Variants in DGKH observed in about 807,000 individuals in gnomAD.
DGKH encodes DAG kinase eta.
DGKH carries 90 observed loss-of-function variants against 159.3 expected under a neutral mutation model. The observed-to-expected ratio is 0.57, with a 90% CI of 0.48 to 0.67. DGKH has a LOEUF of 0.67. Among genes scored for constraint, DGKH ranks in the 30% least tolerant of loss-of-function variants. The pLI, the probability that DGKH is intolerant of heterozygous loss-of-function variation, is 0.00. For missense variants in DGKH, 1,181 were observed against 1,506.1 expected, an observed-to-expected ratio of 0.78 and a Z score of 3.57; for synonymous variants, 536 against 553.8, an observed-to-expected ratio of 0.97 and a Z score of 0.45.
In DGKH at chr13:42,155,392, C is replaced by T. The variant is rs768588983; in HGVS notation, c.486C>T (p.Tyr162=). 50 of 1,608,272 alleles carry T rather than the reference C, an allele frequency of 3.1e-5. No homozygotes were observed. The highest frequency in any genetic ancestry group is 3.3e-5 in the South Asian group (3 of 89,612). The change falls in exon 4 of 30, where the codon TAC becomes TAT. Residue 162 remains tyrosine (Y), a synonymous_variant. Transcript: ENST00000337343. ...AGTCTGTACAGACCAGAGAACCCTA[C>T]GAGGTAAAATAGCATCTTTTCTTTC... ...SLKSVQTREP[Y]EVAQFNVEHF...
At position 42,167,203 on chromosome 13, in the gene DGKH, A is replaced by G. The variant is rs115051712; in HGVS notation, c.1118+529A>G. ...TGTAAGATAAAATGAACTAAGTGGT[A>G]TTTTCACTGAGGGAAAATATACCTT... On this transcript the variant is annotated intron_variant, in intron 9 of 29. Transcript: ENST00000337343. Among the ~76,000 whole-genome samples, 253 of 151,962 alleles carry G rather than the reference A, an allele frequency of 1.7e-3. 1 individual carries two copies. Among genetic ancestry groups the G allele is most frequent in the African/African-American group, 5.8e-3 (240 of 41,432 alleles).
At chr13:42,121,781 T>C (rs1054734351) in intron 1 of DGKH, among the ~76,000 whole-genome samples, 2 of 152,218 alleles carry the variant, frequency 1.3e-5, no homozygotes, top group African/African-American at 4.8e-5. Flanking sequence ...ATGGTTTCTA[T>C]GGAAAGATGT....
intron 18 of DGKH, among the ~76,000 whole-genome samples, chr13:42,199,216 G>A (rs1410388470): frequency 4.6e-5 from 7 of 152,152 alleles, no homozygotes; most frequent in African/African-American, 1.7e-4. Flanking sequence ...ATAAAAAAGA[G>A]AGAGAGAGAA....
rs535111851 is a variant in DGKH, at chr13:42,067,709, A to T, written c.192+18744A>T. On this transcript the variant is annotated intron_variant, in intron 1 of 29. Transcript: ENST00000337343. Reference sequence around the variant, plus strand: ...GTTGATTTAATTAATTAATTAATTAATTTTTTTTTTGCTGGCCATGTTTTA... The same window carrying T: ...GTTGATTTAATTAATTAATTAATTATTTTTTTTTTTGCTGGCCATGTTTTA... Among the ~76,000 whole-genome samples, 1,175 of 149,818 alleles carry T rather than the reference A, an allele frequency of 7.8e-3. 14 individuals carry two copies. Among genetic ancestry groups the T allele is most frequent in the Non-Finnish European group, 0.012 (790 of 67,228 alleles).
chr13:42,169,565 T>C (rs1231612816), intron 11 of DGKH, among the ~76,000 whole-genome samples: 2 of 152,140 alleles, frequency 1.3e-5, no homozygotes, highest in Admixed American at 6.6e-5. Flanking sequence ...GATGTCAAAA[T>C]ATCATGATCA....
In DGKH at chr13:42,191,274, T is replaced by C. The variant is rs542887851; in HGVS notation, c.2035+749T>C. On this transcript the variant is annotated intron_variant, in intron 16 of 29. Transcript: ENST00000337343. ...TATGAAAATAAATACATGGCACTTATGAAAAGTCAGCACAATTATATCAGA... is the reference window on the plus strand; with the variant it reads ...TATGAAAATAAATACATGGCACTTACGAAAAGTCAGCACAATTATATCAGA... 1.1e-4 allele frequency among the ~76,000 whole-genome samples: 17 copies of C among 152,316 alleles called. No homozygotes were observed. The East Asian group carries it at 1.3e-3, about 12-fold the overall frequency.
At position 42,210,686 on chromosome 13, in the gene DGKH, C is replaced by T; in HGVS notation, c.2935C>T (p.His979Tyr). 1 of 1,612,142 alleles carries T rather than the reference C, an allele frequency of 6.2e-7. No individual in the cohort carries two copies. Among genetic ancestry groups the T allele is most frequent in the Non-Finnish European group, 8.5e-7 (1 of 1,179,934 alleles). The change falls in exon 24 of 30, where the codon CAT (histidine) becomes TAT (tyrosine). Residue 979 changes from histidine (H) to tyrosine (Y), a missense_variant. Physicochemically the swap from His to Tyr is moderately conservative, Grantham distance 83. Coordinates refer to ENST00000337343, the MANE Select transcript of DGKH (RefSeq NM_178009.5). ...AGTTCTCCGAACCCATTTGTACATC[C>T]ATCACGCCATTGACTTGGCAACAGA... is the stretch of plus-strand genomic sequence containing the variant. ...KPVLRTHLYI[H>Y]HAIDLATEEV...
intron 3 of DGKH, among the ~76,000 whole-genome samples, chr13:42,135,268 G>A (rs1239744350): frequency 6.6e-6 from 1 of 151,966 alleles, no homozygotes; most frequent in Non-Finnish European, 1.5e-5. Context: ...GGAGGCCGAG[G>A]TGGGAGAATC....
At chr13:42,100,306 T>C (rs1359119364) in intron 1 of DGKH, among the ~76,000 whole-genome samples, 1 of 152,216 alleles carries the variant, frequency 6.6e-6, no homozygotes, top group African/African-American at 2.4e-5. Flanking sequence ...TGGGACTGTC[T>C]AGTTGCAAGA....
intron 9 of DGKH, among the ~76,000 whole-genome samples, chr13:42,167,774 T>C (rs1171927263): frequency 1.3e-5 from 2 of 152,198 alleles, no homozygotes; most frequent in African/African-American, 2.4e-5. Flanking sequence ...CATTATCTTA[T>C]AGTCTTGATT....
At chr13:42,192,587 T>TTTCCTCTTCCTC (rs11282364) in intron 16 of DGKH, among the ~76,000 whole-genome samples, 2 of 111,936 alleles carry the variant, frequency 1.8e-5, no homozygotes, top group African/African-American at 5.8e-5. Flanking sequence ...TCTTCTTCTT[T>TTTCCTCTTCCTC]TTCCTCTTCC....
intron 29 of DGKH, among the ~76,000 whole-genome samples, chr13:42,222,906 A>G (rs1958019765): frequency 6.6e-6 from 1 of 152,202 alleles, no homozygotes; most frequent in Non-Finnish European, 1.5e-5. Context: ...AGAATGGAAA[A>G]ACATACACTA....
intron 30 of DGKH, among the ~76,000 whole-genome samples, chr13:42,253,146 T>C (rs1594274872): frequency 6.6e-6 from 1 of 152,284 alleles, no homozygotes; most frequent in African/African-American, 2.4e-5. Flanking sequence ...TTATGCTGAG[T>C]GCTATAGTCT....
downstream of DGKH, among the ~76,000 whole-genome samples, chr13:42,246,898 A>G (rs1958584732): frequency 6.6e-6 from 1 of 152,144 alleles, no homozygotes; most frequent in Non-Finnish European, 1.5e-5. Context: ...ATATATATGA[A>G]TGTGTGTGTG....
At chr13:42,041,479 C>CG (rs778070852) in intron 1 of DGKH, among the ~76,000 whole-genome samples, 1 of 152,192 alleles carries the variant, frequency 6.6e-6, no homozygotes, top group Non-Finnish European at 1.5e-5. Flanking sequence ...AAGCTGACTT[C>CG]GCTTTCGCCT....
chr13:42,206,141 G>A lies in DGKH; in HGVS notation c.2596G>A (p.Asp866Asn). The A allele has an allele frequency of 7.1e-7, 1 of 1,415,450 alleles. No individual in the cohort carries two copies. The highest frequency in any genetic ancestry group is 9.3e-7 in the Non-Finnish European group (1 of 1,074,594). The allele number at this position is 1,415,450 out of a possible 1,614,324, so 87.7% of individuals were successfully genotyped here. Residue 866 changes from aspartate (D) to asparagine (N), a missense_variant, in exon 21 of 30, where the codon GAT becomes AAT. Physicochemically the swap from Asp to Asn is conservative, Grantham distance 23 (BLOSUM62 1). Transcript: ENST00000337343. ...GTNFWGGTKEDDIFAAPSFDD... is the reference protein window; with the variant it reads ...GTNFWGGTKENDIFAAPSFDD... ...TAACTTTTGGGGTGGAACTAAAGAG[G>A]ATGATGTAAGTAATGGGAGTAAATA...
At chr13:42,205,739 A>C (rs773768123) in intron 20 of DGKH, among the ~76,000 whole-genome samples, 2 of 152,198 alleles carry the variant, frequency 1.3e-5, no homozygotes, top group Non-Finnish European at 2.9e-5. Context: ...AATGCAGGTG[A>C]AAGTACATAA....
At position 42,194,955 on chromosome 13, in the gene DGKH, T is replaced by G. The variant is rs780201481; in HGVS notation, c.2106T>G (p.Gly702=). The G allele has an allele frequency of 3.1e-6, 5 of 1,614,078 alleles. No homozygotes were observed. The highest frequency in any genetic ancestry group is 4.2e-6 in the Non-Finnish European group (5 of 1,179,966). The part of the protein sequence containing the change: ...YGHSQTDSVP[G]PAVAASKENL... ...ATTCCCAAACTGATTCTGTCCCTGG[T>G]CCAGCTGTGGCAGCCAGCAAAGAAA... Residue 702 remains glycine, a synonymous_variant, in exon 17 of 30, where the codon GGT becomes GGG. Coordinates refer to ENST00000337343, the MANE Select transcript of DGKH (RefSeq NM_178009.5).
chr13:42,136,545 A>G (rs1358838648), intron 3 of DGKH, among the ~76,000 whole-genome samples: 2 of 152,256 alleles, frequency 1.3e-5, no homozygotes, highest in African/African-American at 4.8e-5. Flanking sequence ...ATGAGTCACA[A>G]TTTTAAAGAA....
Sources: gnomAD v4.1 joint callset for allele counts (sites outside exome capture counted in the v4.1 genomes callset) on GRCh38, gnomAD v4.1.1 for gene constraint, MANE v1.5 for transcripts, NCBI Gene and HGNC (gene_info 2026-07-23, HGNC 2026-07-21) for gene names.